Variants in MAP3K12 observed in about 807,000 individuals in gnomAD.
The protein encoded by MAP3K12 is MAPK-upstream kinase.
In MAP3K12, 14 loss-of-function variants were observed where a neutral mutation model predicts 87.5. The observed-to-expected ratio is 0.16, with a 90% CI of 0.11 to 0.25. The LOEUF (loss-of-function observed/expected upper bound fraction) is 0.25, where lower values mean the gene tolerates loss of function less well. MAP3K12 is among the 10% of genes least tolerant of loss of function. The pLI, the probability that MAP3K12 is intolerant of heterozygous loss-of-function variation, is 1.00. For missense variants in MAP3K12, 802 were observed against 1,140.4 expected, an observed-to-expected ratio of 0.70 and a Z score of 4.27; for synonymous variants, 469 against 452.5, an observed-to-expected ratio of 1.04 and a Z score of -0.46.
chr12:53,485,013 T>G, intron 6 of MAP3K12, 43 bp downstream of exon 6: 1 of 1,613,022 alleles, frequency 6.2e-7, no homozygotes, highest in East Asian at 2.2e-5. Flanking sequence ...ACCGTGCTTC[T>G]CAACTTCTCC....
intron 4 of MAP3K12, chr12:53,485,733 T>A (rs867614547): frequency 1.9e-6 from 1 of 516,202 alleles, no homozygotes; most frequent in Non-Finnish European, 3.4e-6. Flanking sequence ...TTTTTTTGTA[T>A]TTTTATTAGA....
intron 7 of MAP3K12, 96 bp from the exon 8 acceptor site, chr12:53,484,116 G>A: frequency 7.1e-7 from 1 of 1,404,102 alleles, no homozygotes; most frequent in South Asian, 1.2e-5. Context: ...GTGTGCTGGA[G>A]CAAAAAGGAG....
intron 1 of MAP3K12, among the ~76,000 whole-genome samples, chr12:53,497,415 A>G (rs1425809560): frequency 3.9e-5 from 6 of 152,192 alleles, no homozygotes; most frequent in Non-Finnish European, 8.8e-5. Flanking sequence ...AGAATGAAGA[A>G]ACCAAAGGGC....
intron 11 of MAP3K12, 82 bp downstream of exon 11, chr12:53,482,483 A>G: frequency 6.2e-7 from 1 of 1,605,966 alleles, no homozygotes; most frequent in South Asian, 1.1e-5. Context: ...CTTAAAATTG[A>G]GCATAATGTG....
intron 1 of MAP3K12, among the ~76,000 whole-genome samples, chr12:53,498,351 G>A (rs1943585479): frequency 6.6e-6 from 1 of 152,280 alleles, no homozygotes; most frequent in East Asian, 1.9e-4. Context: ...AACTGCAAGG[G>A]AAATGTGTTT....
In MAP3K12 at chr12:53,486,867, T is replaced by C; in HGVS notation, c.445+80A>G. ...GGGCCATGGGGAGGGAAGGGACCAT[T>C]GCGTGACTTTAGCGGAGCTGACCAA... On this transcript the variant is annotated intron_variant, in intron 2 of 13. Coordinates refer to ENST00000547488, the MANE Select transcript of MAP3K12 (RefSeq NM_001193511.2). The surrounding 1 kb of genome is among the most constrained non-coding windows in gnomAD (Gnocchi z 4.9). The C allele has an allele frequency of 1.3e-6, 2 of 1,575,446 alleles. No homozygotes were observed. The highest frequency in any genetic ancestry group is 1.7e-6 in the Non-Finnish European group (2 of 1,158,440).
Position 53,482,301 on chromosome 12 carries a change from C to G in MAP3K12, c.2307G>C (p.Gln769His). 1 of 1,614,174 alleles carries G rather than the reference C, an allele frequency of 6.2e-7. No individual in the cohort carries two copies. Among genetic ancestry groups the G allele is most frequent in the Non-Finnish European group, 8.5e-7 (1 of 1,180,024 alleles). Residue 769 changes from glutamine (Q) to histidine (H), a missense_variant and splice_region_variant, in exon 12 of 14, where the codon CAG becomes CAC. Physicochemically the swap from Gln to His is conservative, Grantham distance 24 (BLOSUM62 0). This residue lies in a region of MAP3K12 where 490 missense variants were observed against 496.6 expected (regional missense o/e 0.99). Transcript: ENST00000547488. ...ATTCTTGTAATGCCATCACTTACCT[C>G]TGGCTTGATGTCAGCTCTACTTCAC... ...VDSEVELTSS[Q>H]RWPQSLNMRQ...
chr12:53,481,022 T>TATCA lies in MAP3K12; in HGVS notation c.*156_*159dup, dbSNP rs1011545718. The TATCA allele has an allele frequency of 1.9e-4, 41 of 220,396 alleles. No individual in the cohort carries two copies. The highest frequency in any genetic ancestry group is 9.3e-4 in the African/African-American group (40 of 43,020). 13.7% of individuals were successfully genotyped at this position (220,396 alleles called of 1,614,324 possible). A position where few individuals can be genotyped will look rare whatever the true frequency, so the allele number is the denominator to read the frequency against. On this transcript the variant is annotated 3_prime_UTR_variant, in exon 14 of 14. Transcript: ENST00000547488. Reference sequence around the variant, plus strand: ...CACAGCTGCCAGTGTCCCTAGAGTTTATCAGGTGAATTGGTCAGGGGATCA... The same window carrying TATCA: ...CACAGCTGCCAGTGTCCCTAGAGTTTATCAATCAGGTGAATTGGTCAGGGGATCA...
At position 53,486,213 on chromosome 12, in the gene MAP3K12, G is replaced by T; in HGVS notation, c.664C>A (p.Leu222Ile). The T allele has an allele frequency of 6.2e-7, 1 of 1,612,282 alleles. No homozygotes were observed. Among genetic ancestry groups the T allele is most frequent in the South Asian group, 1.1e-5 (1 of 90,856 alleles). The change falls in exon 4 of 14, where the codon CTC (leucine) becomes ATC (isoleucine). Residue 222 changes from leucine (L) to isoleucine (I), a missense_variant. Leu to Ile is a conservative substitution (Grantham distance 5). Transcript: ENST00000547488. This position sits in a 1 kb window ranked among gnomAD's most constrained non-coding sequence, Gnocchi z 4.9. ...TGGCCCTGGGCGCAGAACTCCATGA[G>T]GATGCAGTAGCAGGGAGCCTGGGTG... ...VCTQAPCYCI[L>I]MEFCAQGQLY...
intron 11 of MAP3K12, 67 bp from the exon 12 acceptor site, chr12:53,482,436 A>G (rs1943086014): frequency 2.3e-5 from 37 of 1,607,146 alleles, no homozygotes; most frequent in Non-Finnish European, 3.1e-5. Flanking sequence ...AATCCAGGAG[A>G]AGGGAACATA....
chr12:53,485,537 G>T, intron 4 of MAP3K12, 62 bp from the exon 5 acceptor site: 1 of 1,544,982 alleles, frequency 6.5e-7, no homozygotes. Flanking sequence ...TAACTCTGCA[G>T]CAACTCTGCC....
At chr12:53,482,439 G>A (rs985993742) in intron 11 of MAP3K12, 70 bp from the exon 12 acceptor site, 1 of 1,607,284 alleles carries the variant, frequency 6.2e-7, no homozygotes, top group Non-Finnish European at 8.5e-7. Context: ...CCAGGAGAAG[G>A]GAACATAGTT....
upstream of MAP3K12, chr12:53,500,071 C>T (rs1943650345): frequency 1.3e-5 from 2 of 152,308 alleles, no homozygotes; most frequent in South Asian, 2.1e-4. Context: ...TCCAGTGTTC[C>T]TGGATGACCC....
At chr12:53,493,829 CCA>C (rs1261615485) in intron 1 of MAP3K12, 1 of 152,250 alleles carries the variant, frequency 6.6e-6, no homozygotes, top group Non-Finnish European at 1.5e-5. Context: ...CCAGGCTTCC[CCA>C]GAGGCCCTTC....
At position 53,485,340 on chromosome 12, in the gene MAP3K12, A is replaced by C. The variant is rs1287002807; in HGVS notation, c.957T>G (p.Pro319=). ...ACCAGATGTCGACCTTCTCAGACAC[A>C]GGTTCATTGCGGATCACCTCAGGGG... The part of the protein sequence containing the change: ...WMAPEVIRNE[P]VSEKVDIWSF... The change falls in exon 5 of 14, where the codon CCT becomes CCG. Residue 319 remains proline, a synonymous_variant. Transcript: ENST00000547488. 1 of 1,614,042 alleles carries C rather than the reference A, an allele frequency of 6.2e-7. No individual in the cohort carries two copies. Among genetic ancestry groups the C allele is most frequent in the Non-Finnish European group, 8.5e-7 (1 of 1,179,972 alleles).
chr12:53,482,124 T>G lies in MAP3K12; in HGVS notation c.2397A>C (p.Glu799Asp). 1.2e-6 allele frequency: 2 copies of G among 1,614,102 alleles called. No homozygotes were observed. Among genetic ancestry groups the G allele is most frequent in the Non-Finnish European group, 1.7e-6 (2 of 1,180,004 alleles). Residue 799 changes from glutamate (E) to aspartate (D), a missense_variant, in exon 13 of 14, where the codon GAA becomes GAC. Physicochemically the swap from Glu to Asp is conservative, Grantham distance 45. Transcript: ENST00000547488. ...CTTCAGGTGTGCCACTGGGGGAAGG[T>G]TCACTAGCTGTGCCTTCCTCCCCAT... is the stretch of plus-strand genomic sequence containing the variant. ...PSDGEEGTASEPSPSGTPEVG... is the reference protein window; with the variant it reads ...PSDGEEGTASDPSPSGTPEVG...
Position 53,482,972 on chromosome 12 carries a change from C to G in MAP3K12, c.1831G>C (p.Gly611Arg), listed in dbSNP as rs764385650. Reference protein sequence around the residue: ...PHEPGGPGSPGGLGGGPSAWE... With the variant: ...PHEPGGPGSPRGLGGGPSAWE... ...GCTGAGGGTCCCCCTCCTAGGCCCC[C>G]TGGGCTTCCTGGTCCTCCAGGTTCA... Residue 611 changes from glycine to arginine, a missense_variant, in exon 11 of 14, where the codon GGG becomes CGG. Gly to Arg is a moderately radical substitution (Grantham distance 125, BLOSUM62 -2). Coordinates refer to ENST00000547488, the MANE Select transcript of MAP3K12 (RefSeq NM_001193511.2). The G allele has an allele frequency of 3.2e-6, 5 of 1,582,868 alleles. No homozygotes were observed. In the Admixed American group the frequency reaches 7.2e-5, roughly 23 times the overall value.
At position 53,484,253 on chromosome 12, in the gene MAP3K12, A is replaced by G. The variant is rs1943164228; in HGVS notation, c.1248+4T>C. On this transcript the variant is annotated splice_donor_region_variant and intron_variant, in intron 7 of 13. Transcript: ENST00000547488. ...AGGTATTTATTTTCCTACCCACAGC[A>G]CACCTGGGACTTAAAGTAAGTCTCC... 3 of 1,612,302 alleles carry G rather than the reference A, an allele frequency of 1.9e-6. No individual in the cohort carries two copies. Among genetic ancestry groups the G allele is most frequent in the Non-Finnish European group, 2.5e-6 (3 of 1,178,386 alleles).
intron 1 of MAP3K12, among the ~76,000 whole-genome samples, chr12:53,489,700 G>A (rs866449710): frequency 1.5e-4 from 23 of 152,182 alleles, no homozygotes; most frequent in Admixed American, 9.2e-4. Context: ...CATCTAGAAG[G>A]GTTCAGTAGA....
Sources: gnomAD v4.1 joint callset for allele counts (sites outside exome capture counted in the v4.1 genomes callset) on GRCh38, gnomAD v4.1.1 for gene constraint, gnomAD v4.1.1 regional missense constraint, Gnocchi (gnomAD v3.1) non-coding constraint, MANE v1.5 for transcripts, NCBI Gene and HGNC (gene_info 2026-07-23, HGNC 2026-07-21) for gene names.